Variants in CSDE1 observed in about 807,000 individuals in gnomAD.
CSDE1 encodes the protein cold shock domain-containing protein E1.
Under a neutral mutation model 89.3 loss-of-function variants are expected in CSDE1, and 17 were observed. That is an observed-to-expected ratio of 0.19 (90% CI 0.13 to 0.29). The LOEUF (loss-of-function observed/expected upper bound fraction) is 0.29, where lower values mean the gene tolerates loss of function less well. CSDE1 is among the 10% of genes least tolerant of loss of function. CSDE1 has a pLI of 1.00. For missense variants in CSDE1, 672 were observed against 984.2 expected (o/e 0.68, Z 4.24); for synonymous variants, 322 against 332.8 (o/e 0.97, Z 0.35).
intron 2 of CSDE1, among the ~76,000 whole-genome samples, chr1:114,741,860 C>A (rs867984523): frequency 1.3e-5 from 2 of 152,076 alleles, no homozygotes; most frequent in Admixed American, 6.5e-5. Context: ...TTAAAACATA[C>A]GATGACATCA....
At chr1:114,730,447 C>T (rs1454599054) in intron 11 of CSDE1, 25 bp from the exon 12 acceptor site, 1 of 1,609,736 alleles carries the variant, frequency 6.2e-7, no homozygotes, top group Non-Finnish European at 8.5e-7. Flanking sequence ...ACAAAATTAA[C>T]TTTCAATTGA....
At chr1:114,721,244 T>G (rs1169989817) in intron 16 of CSDE1, among the ~76,000 whole-genome samples, 2 of 152,182 alleles carry the variant, frequency 1.3e-5, no homozygotes, top group Non-Finnish European at 2.9e-5. Flanking sequence ...AAAAACCATT[T>G]TCCTAAAGGG....
chr1:114,741,639 G>C lies in CSDE1; in HGVS notation c.1-1749C>G, dbSNP rs2101061767. On this transcript the variant is annotated intron_variant, in intron 2 of 19. Transcript: ENST00000358528. ...GGCTGCAGGAGAGGGATGAGGATCT[G>C]ATGACACAGTAAAAACGTTCTCCAT... 6.5e-7 allele frequency: 1 copy of C among 1,546,982 alleles called. No homozygotes were observed. Among genetic ancestry groups the C allele is most frequent in the Admixed American group, 2.0e-5 (1 of 50,866 alleles).
At chr1:114,734,421 T>C in intron 7 of CSDE1, 21 bp downstream of exon 7, 1 of 1,603,302 alleles carries the variant, frequency 6.2e-7, no homozygotes, top group Non-Finnish European at 8.5e-7. Flanking sequence ...AAAACTCAAG[T>C]TTCTCAAATT....
chr1:114,743,299 C>T (rs1447422739), intron 2 of CSDE1, among the ~76,000 whole-genome samples: 2 of 152,098 alleles, frequency 1.3e-5, no homozygotes, highest in South Asian at 2.1e-4. Flanking sequence ...TCAAGTGATC[C>T]CTCTGCCTCA....
intron 13 of CSDE1, 93 bp from the exon 14 acceptor site, chr1:114,726,479 G>A (rs1659806217): frequency 1.0e-6 from 1 of 954,992 alleles, no homozygotes. Context: ...CCCAGCGCAT[G>A]CTTTTCATTC....
chr1:114,755,855 C>T lies in CSDE1; in HGVS notation c.-388+2070G>A, dbSNP rs116756192. On this transcript the variant is annotated intron_variant, in intron 1 of 19. Transcript: ENST00000358528. ...CCAAAAGAACATCGTTCCAAAATTT[C>T]CATGTTTTAACTACCTTGTCGAAAG... Among the ~76,000 whole-genome samples, 236 of 152,304 alleles carry T rather than the reference C, an allele frequency of 1.5e-3. 1 individual carries two copies. The highest frequency in any genetic ancestry group is 5.4e-3 in the African/African-American group (223 of 41,560).
chr1:114,726,279 T>C lies in CSDE1; in HGVS notation c.1572A>G (p.Ala524=). 6.2e-7 allele frequency: 1 copy of C among 1,613,472 alleles called. No homozygotes were observed. Among genetic ancestry groups the C allele is most frequent in the South Asian group, 1.1e-5 (1 of 90,816 alleles). ...TAAATCCAAAATTATCCTTCAGAGT[T>C]GCCACATAACCCAAGAGCCTCTTGG... The part of the protein sequence containing the change: ...SNSKRLLGYV[A]TLKDNFGFIE... Residue 524 remains alanine (A), a synonymous_variant, in exon 14 of 20, where the codon GCA becomes GCG. Transcript: ENST00000358528.
chr1:114,720,388 A>G, intron 17 of CSDE1, 151 bp downstream of exon 17: 1 of 714,424 alleles, frequency 1.4e-6, no homozygotes, highest in Non-Finnish European at 2.2e-6. Flanking sequence ...TTCTGTTTTT[A>G]TTAAGCTACC....
chr1:114,740,135 A>C (rs1660641633), intron 2 of CSDE1, among the ~76,000 whole-genome samples: 1 of 152,156 alleles, frequency 6.6e-6, no homozygotes, highest in African/African-American at 2.4e-5. Flanking sequence ...ACAAAAATAG[A>C]ATTTCTGGGG....
chr1:114,730,716 C>A, intron 10 of CSDE1, 68 bp from the exon 11 acceptor site: 2 of 1,565,286 alleles, frequency 1.3e-6, no homozygotes, highest in Non-Finnish European at 1.8e-6. Context: ...ACTTTACAAC[C>A]ACCATCAAGT....
Position 114,734,149 on chromosome 1 carries a change from T to C in CSDE1, c.583-32A>G, listed in dbSNP as rs1221058217. The C allele has an allele frequency of 3.8e-6, 6 of 1,588,152 alleles. No individual in the cohort carries two copies. In the African/African-American group the frequency reaches 5.4e-5, roughly 14 times the overall value. Reference sequence around the variant, plus strand: ...CAAAATAAAAAACCAAGAACATTATTACCACTCTGTACAAATTTATGATTA... The same window carrying C: ...CAAAATAAAAAACCAAGAACATTATCACCACTCTGTACAAATTTATGATTA... On this transcript the variant is annotated intron_variant, in intron 7 of 19. Transcript: ENST00000358528.
intron 2 of CSDE1, among the ~76,000 whole-genome samples, chr1:114,747,281 G>C (rs1661062664): frequency 6.6e-6 from 1 of 151,958 alleles, no homozygotes; most frequent in Non-Finnish European, 1.5e-5. Context: ...TAAAATCTGG[G>C]GGTTCCATTG....
Position 114,727,093 on chromosome 1 carries a change from A to G in CSDE1, c.1357-3T>C, listed in dbSNP as rs1329065567. On this transcript the variant is annotated splice_region_variant and splice_polypyrimidine_tract_variant and intron_variant, in intron 12 of 19. Transcript: ENST00000358528. ...GCAATAATGCCATCCTCAGCCTCCT[A>G]AAGAGATACAGTCAAAAACAGAATG... 1.3e-6 allele frequency: 2 copies of G among 1,592,896 alleles called. No individual in the cohort carries two copies. Among genetic ancestry groups the G allele is most frequent in the Admixed American group, 1.7e-5 (1 of 59,872 alleles).
intron 16 of CSDE1, among the ~76,000 whole-genome samples, 191 bp from the exon 17 acceptor site, chr1:114,720,908 G>T (rs1659482762): frequency 6.6e-6 from 1 of 152,184 alleles, no homozygotes; most frequent in Admixed American, 6.5e-5. Context: ...GGAACCAAAT[G>T]AGAATGTCAC....
At chr1:114,751,342 G>A (rs1044213244) in intron 1 of CSDE1, among the ~76,000 whole-genome samples, 1 of 152,166 alleles carries the variant, frequency 6.6e-6, no homozygotes, top group Non-Finnish European at 1.5e-5. Flanking sequence ...TAAGAAAAAG[G>A]TGTACGTGCT....
At position 114,741,431 on chromosome 1, in the gene CSDE1, A is replaced by G. The variant is rs1256159530; in HGVS notation, c.1-1541T>C. On this transcript the variant is annotated intron_variant, in intron 2 of 19. Transcript: ENST00000358528. The stretch of plus-strand genomic sequence containing the variant: ...AAATGATTCGGGAAGTTAGAAGGTG[A>G]GTCGGCAAGATATTTCAACCAGAAT... 8 of 1,156,578 alleles carry G rather than the reference A, an allele frequency of 6.9e-6. No individual in the cohort carries two copies. In the East Asian group the frequency reaches 2.2e-4, roughly 31 times the overall value. The allele number at this position is 1,156,578 out of a possible 1,614,324, so 71.6% of individuals were successfully genotyped here. A position where few individuals can be genotyped will look rare whatever the true frequency, so the allele number is the denominator to read the frequency against.
At chr1:114,720,374 A>C (rs762530523) in intron 17 of CSDE1, 165 bp downstream of exon 17, 2 of 617,926 alleles carry the variant, frequency 3.2e-6, no homozygotes, top group Non-Finnish European at 5.5e-6. Flanking sequence ...CTTTTTGTGT[A>C]GTTTTCTGTT....
intron 12 of CSDE1, chr1:114,727,591 CAT>C (rs1193168236): frequency 2.0e-5 from 3 of 152,220 alleles, no homozygotes; most frequent in Admixed American, 1.3e-4. Flanking sequence ...AAGTACTTGA[CAT>C]AAAGTAGATG....
Sources: allele counts gnomAD v4.1 joint callset (sites outside exome capture counted in the v4.1 genomes callset), GRCh38; gene constraint gnomAD v4.1.1; transcripts MANE v1.5; gene names NCBI Gene and HGNC (gene_info 2026-07-23, HGNC 2026-07-21).